The following RPS5 variants were observed in gnomAD, a reference collection of about 807,000 sequenced individuals.
RPS5 encodes small ribosomal subunit protein uS7.
In RPS5, 2 loss-of-function variants were observed where a neutral mutation model predicts 20.9. The ratio of observed to expected loss-of-function variants is 0.10; its 90% CI spans 0.04 to 0.30. The LOEUF is 0.30. Ranked by LOEUF, RPS5 falls within the 10% of genes least tolerant of loss-of-function variation. The probability of loss-of-function intolerance (pLI) is 1.00; values close to 1 mark genes in which losing one functional copy is unlikely to be tolerated. For missense variants in RPS5, 122 were observed against 287.2 expected (o/e 0.42, Z 4.16); for synonymous variants, 112 against 105.8 (o/e 1.06, Z -0.36).
At chr19:58,388,547 T>C (rs1432166716) in intron 2 of RPS5, 2 of 491,244 alleles carry the variant, frequency 4.1e-6, no homozygotes, top group Non-Finnish European at 7.2e-6. Context: ...CATGTGAATA[T>C]CCAGTTATCC....
intron 2 of RPS5, among the ~76,000 whole-genome samples, chr19:58,389,857 G>A (rs1330137074): frequency 6.7e-6 from 1 of 150,210 alleles, no homozygotes; most frequent in South Asian, 2.1e-4. Context: ...GGCTGGTCTC[G>A]AACTCCTGAC....
At chr19:58,387,553 T>C (rs1395893441) in intron 1 of RPS5, 1 of 152,364 alleles carries the variant, frequency 6.6e-6, no homozygotes, top group Admixed American at 6.5e-5. Flanking sequence ...GAACTTGGTT[T>C]GAACTATGCG....
At chr19:58,393,648 C>A in intron 4 of RPS5, 161 bp downstream of exon 4, 1 of 879,158 alleles carries the variant, frequency 1.1e-6, no homozygotes, top group Non-Finnish European at 1.7e-6. Context: ...AGGGGCTGAT[C>A]CAGGCTCTGG....
intron 1 of RPS5, chr19:58,387,886 C>T (rs2052336898): frequency 3.8e-6 from 2 of 531,606 alleles, no homozygotes; most frequent in Non-Finnish European, 6.8e-6. Context: ...ACCTTGGTCC[C>T]AGTGCAGCAG....
Position 58,392,962 on chromosome 19 carries a change from CCCTGCTG to C in RPS5, c.109-11_109-5del. 3 of 1,611,230 alleles carry C rather than the reference CCCTGCTG, an allele frequency of 1.9e-6. No individual in the cohort carries two copies. The highest frequency in any genetic ancestry group is 2.5e-6 in the Non-Finnish European group (3 of 1,177,866). On this transcript the variant is annotated splice_region_variant and splice_polypyrimidine_tract_variant and intron_variant, in intron 2 of 5. Coordinates refer to ENST00000196551, the MANE Select transcript of RPS5 (RefSeq NM_001009.4). ...GACCATTTTCCCTTCATTTCCTGCT[CCCTGCTG>C]CCCCAGGATTACATTGCAGTGAAGG...
intron 2 of RPS5, chr19:58,388,727 C>T (rs1286131241): frequency 3.2e-6 from 1 of 311,260 alleles, no homozygotes; most frequent in Non-Finnish European, 5.8e-6. Context: ...CGGGTTCACA[C>T]CATTCTCCTG....
intron 2 of RPS5, among the ~76,000 whole-genome samples, chr19:58,389,070 G>A (rs142741306): frequency 7.2e-5 from 11 of 152,166 alleles, no homozygotes; most frequent in Non-Finnish European, 1.3e-4. Context: ...TTCCTACTCC[G>A]TACGGTTTTA....
In RPS5 at chr19:58,394,664, C is replaced by G. The variant is rs1568575059; in HGVS notation, c.547-18C>G. 6.2e-7 allele frequency: 1 copy of G among 1,613,930 alleles called. No homozygotes were observed. Among genetic ancestry groups the G allele is most frequent in the African/African-American group, 1.3e-5 (1 of 74,900 alleles). ...TGTGGGGGTCCTTCAGAATTCAGAG[C>G]TGTGTGTCTCCTTGCAGGGCTCCTC... On this transcript the variant is annotated intron_variant, in intron 5 of 5. Coordinates refer to ENST00000196551, the MANE Select transcript of RPS5 (RefSeq NM_001009.4).
intron 4 of RPS5, 182 bp downstream of exon 4, chr19:58,393,669 G>T: frequency 1.5e-6 from 1 of 688,932 alleles, no homozygotes; most frequent in Non-Finnish European, 2.4e-6. Context: ...GTCCTCTTCG[G>T]GAACACATTT....
At chr19:58,392,883 C>T (rs748060853) in intron 2 of RPS5, 93 bp from the exon 3 acceptor site, 19 of 1,207,966 alleles carry the variant, frequency 1.6e-5, no homozygotes, top group South Asian at 2.7e-5. Context: ...TGGACTACCC[C>T]GAATGGGTAC....
intron 2 of RPS5, 150 bp downstream of exon 2, chr19:58,388,395 C>G (rs1232896850): frequency 1.6e-6 from 1 of 643,494 alleles, no homozygotes; most frequent in African/African-American, 1.8e-5. Flanking sequence ...TCTACCACAT[C>G]TGCTCTTACG....
chr19:58,388,574 G>C (rs1232849749), intron 2 of RPS5: 1 of 384,850 alleles, frequency 2.6e-6, no homozygotes, highest in African/African-American at 2.1e-5. Context: ...ATCTCCTAAA[G>C]AGATGTTTTT....
At chr19:58,393,743 T>G in intron 4 of RPS5, 1 of 429,072 alleles carries the variant, frequency 2.3e-6, no homozygotes, top group Non-Finnish European at 4.1e-6. Flanking sequence ...TGTACTTTTT[T>G]TTTTTTTCTT....
At chr19:58,387,580 G>C (rs1568572641) in intron 1 of RPS5, 1 of 152,862 alleles carries the variant, frequency 6.5e-6, no homozygotes, top group South Asian at 2.0e-4. Context: ...CTCTGAGATA[G>C]GAAGTTTCCA....
At position 58,394,796 on chromosome 19, in the gene RPS5, T is replaced by C. The variant is rs2241787; in HGVS notation, c.*46T>C. The C allele has an allele frequency of 0.42, 664,892 of 1,589,632 alleles. 140,508 individuals are homozygous for C. The highest frequency in any genetic ancestry group is 0.54 in the African/African-American group (40,185 of 74,414). ...TAAACCTGTCTGCCCTTTGGGGCAG[T>C]CCCAGCCACCTGTGCTGTTGTCTGT... On this transcript the variant is annotated 3_prime_UTR_variant, in exon 6 of 6. Coordinates refer to ENST00000196551, the MANE Select transcript of RPS5 (RefSeq NM_001009.4).
rs115824630 is a variant in RPS5, at chr19:58,394,775, C to A, written c.*25C>A. The stretch of plus-strand genomic sequence containing the variant: ...ATTTTCCCAGCTGCTGCCCAATAAA[C>A]CTGTCTGCCCTTTGGGGCAGTCCCA... On this transcript the variant is annotated 3_prime_UTR_variant, in exon 6 of 6. Coordinates refer to ENST00000196551, the MANE Select transcript of RPS5 (RefSeq NM_001009.4). The A allele has an allele frequency of 9.2e-4, 1,486 of 1,612,704 alleles. 5 individuals carry two copies. In the African/African-American group the frequency reaches 0.014, roughly 16 times the overall value.
At chr19:58,394,618 G>C in intron 5 of RPS5, 23 bp downstream of exon 5, 1 of 1,613,692 alleles carries the variant, frequency 6.2e-7, no homozygotes, top group East Asian at 2.2e-5. Flanking sequence ...ACTCCGGTTG[G>C]GGGGTCTTAA....
chr19:58,388,921 G>A (rs149988725), intron 2 of RPS5, among the ~76,000 whole-genome samples: 32 of 152,166 alleles, frequency 2.1e-4, no homozygotes, highest in African/African-American at 7.2e-4. Flanking sequence ...GAGCCACCGC[G>A]CCCGGCCCAG....
intron 2 of RPS5, among the ~76,000 whole-genome samples, chr19:58,392,336 A>G (rs1447376589): frequency 6.6e-6 from 1 of 150,588 alleles, no homozygotes; most frequent in Admixed American, 6.6e-5. Flanking sequence ...GGGGGAAAAA[A>G]AAAACTAGGC....
Sources: gnomAD v4.1 joint callset for allele counts (sites outside exome capture counted in the v4.1 genomes callset) on GRCh38, gnomAD v4.1.1 for gene constraint, MANE v1.5 for transcripts, NCBI Gene and HGNC (gene_info 2026-07-23, HGNC 2026-07-21) for gene names.